Variants in SH3BGRL observed in about 807,000 individuals in gnomAD.
SH3BGRL encodes the protein adapter SH3BGRL.
A neutral mutation model predicts 9.8 loss-of-function variants in SH3BGRL; 7 were observed. The ratio of observed to expected loss-of-function variants is 0.72; its 90% CI spans 0.41 to 1.35. The LOEUF is 1.35. Among genes scored for constraint, SH3BGRL ranks in the 40% most tolerant of loss-of-function variants. SH3BGRL has a pLI of 0.01. For missense variants in SH3BGRL, 73 were observed against 84.4 expected, an observed-to-expected ratio of 0.86 and a Z score of 0.53; for synonymous variants, 36 against 29.1, an observed-to-expected ratio of 1.24 and a Z score of -0.76.
chrX:81,228,768 T>C (rs762663601), intron 1 of SH3BGRL, among the ~76,000 whole-genome samples: 1 of 112,051 alleles, frequency 8.9e-6, no homozygotes, highest in South Asian at 3.7e-4. Context: ...GTCTACAGTA[T>C]ATAGTTAATT....
chrX:81,287,960 A>G (rs778243182), intron 3 of SH3BGRL, among the ~76,000 whole-genome samples: 14 of 101,763 alleles, frequency 1.4e-4, no homozygotes, highest in African/African-American at 6.0e-4. Context: ...AAGGAAGGAA[A>G]GAAAGAAAGA....
At chrX:81,284,602 A>G (rs2075828621) in intron 3 of SH3BGRL, among the ~76,000 whole-genome samples, 1 of 110,715 alleles carries the variant, frequency 9.0e-6, no homozygotes, top group Admixed American at 9.7e-5. Flanking sequence ...CTGAGAGTGG[A>G]TGAAATTAGG....
At chrX:81,232,205 C>T (rs967130881) in intron 1 of SH3BGRL, among the ~76,000 whole-genome samples, 1 of 110,782 alleles carries the variant, frequency 9.0e-6, no homozygotes, top group Non-Finnish European at 1.9e-5. Flanking sequence ...CATATTGTCC[C>T]TAAAATATTT....
At chrX:81,211,900 A>G (rs183826331) in intron 1 of SH3BGRL, among the ~76,000 whole-genome samples, 1 of 111,398 alleles carries the variant, frequency 9.0e-6, no homozygotes, top group Non-Finnish European at 1.9e-5. Flanking sequence ...ATATACACAC[A>G]TATATCCTAC....
chrX:81,202,611 C>T (rs2075532585), intron 1 of SH3BGRL: 1 of 762,702 alleles, frequency 1.3e-6, no homozygotes, highest in African/African-American at 2.3e-5. Context: ...GATGAATACG[C>T]CCTAAGTACT....
At chrX:81,264,071 G>C (rs929544259) in intron 1 of SH3BGRL, among the ~76,000 whole-genome samples, 3 of 109,916 alleles carry the variant, frequency 2.7e-5, no homozygotes, top group Non-Finnish European at 5.7e-5. Flanking sequence ...GTTAAGGCTG[G>C]TCAAGAGAAA....
intron 1 of SH3BGRL, among the ~76,000 whole-genome samples, chrX:81,244,280 A>G (rs17328569): frequency 0.029 from 3,232 of 111,774 alleles, 52 homozygotes; most frequent in Non-Finnish European, 0.042. Context: ...ATTTGGGACT[A>G]TGTTCATGCA....
In SH3BGRL at chrX:81,252,286, G is replaced by A. The variant is rs181411607; in HGVS notation, c.46-24698G>A. Among the ~76,000 whole-genome samples, 523 of 111,694 alleles carry A rather than the reference G, an allele frequency of 4.7e-3. 6 individuals carry two copies. The highest frequency in any genetic ancestry group is 5.2e-3 in the Non-Finnish European group (278 of 53,145). Reference sequence around the variant, plus strand: ...TTATAATGGGCAGAATCCAATACCCGTTTGCTGTCAGTTATACCTGTTTGC... The same window carrying A: ...TTATAATGGGCAGAATCCAATACCCATTTGCTGTCAGTTATACCTGTTTGC... On this transcript the variant is annotated intron_variant, in intron 1 of 3. Coordinates refer to ENST00000373212, the MANE Select transcript of SH3BGRL (RefSeq NM_003022.3).
At chrX:81,208,604 C>G (rs2075554508) in intron 1 of SH3BGRL, among the ~76,000 whole-genome samples, 1 of 112,421 alleles carries the variant, frequency 8.9e-6, no homozygotes, top group Admixed American at 9.4e-5. Context: ...ATCTGACCAT[C>G]TGTTTGCTTT....
At chrX:81,202,415 A>ATTTT in intron 1 of SH3BGRL, 170 bp downstream of exon 1, 1 of 827,128 alleles carries the variant, frequency 1.2e-6, no homozygotes, top group South Asian at 3.8e-5. Context: ...CATCGATTTC[A>ATTTT]TTTTTTTTTT....
At chrX:81,231,074 G>A (rs141981857) in intron 1 of SH3BGRL, among the ~76,000 whole-genome samples, 78 of 112,308 alleles carry the variant, frequency 6.9e-4, no homozygotes, top group Non-Finnish European at 1.3e-3. Flanking sequence ...GCTCTTGAAG[G>A]AGAGAAGTCA....
At chrX:81,220,956 A>G (rs1217299740) in intron 1 of SH3BGRL, among the ~76,000 whole-genome samples, 2 of 111,104 alleles carry the variant, frequency 1.8e-5, no homozygotes, top group East Asian at 2.8e-4. Flanking sequence ...TTCCAGTTCT[A>G]TTCCATTATG....
intron 1 of SH3BGRL, among the ~76,000 whole-genome samples, chrX:81,250,650 A>AT (rs1324912421): frequency 2.7e-5 from 3 of 111,339 alleles, no homozygotes; most frequent in Non-Finnish European, 3.8e-5. Flanking sequence ...AACTTCAACT[A>AT]TTTTTTTTCT....
intron 3 of SH3BGRL, among the ~76,000 whole-genome samples, chrX:81,295,878 C>T (rs1193120427): frequency 9.0e-6 from 1 of 111,711 alleles, no homozygotes; most frequent in Non-Finnish European, 1.9e-5. Flanking sequence ...TTTCTGCCTT[C>T]TTCTGAGCCC....
At chrX:81,204,325 T>C (rs898138133) in intron 1 of SH3BGRL, among the ~76,000 whole-genome samples, 1 of 112,082 alleles carries the variant, frequency 8.9e-6, no homozygotes, top group Admixed American at 9.5e-5. Flanking sequence ...TACTTCTTTG[T>C]AACATGAATG....
intron 1 of SH3BGRL, among the ~76,000 whole-genome samples, chrX:81,217,405 G>A (rs1227464320): frequency 2.7e-5 from 3 of 109,879 alleles, no homozygotes; most frequent in Non-Finnish European, 5.7e-5. Flanking sequence ...TTAATGTTAG[G>A]AACTTTCCTT....
At chrX:81,234,474 G>A (rs1461633565) in intron 1 of SH3BGRL, among the ~76,000 whole-genome samples, 1 of 112,035 alleles carries the variant, frequency 8.9e-6, no homozygotes, top group Non-Finnish European at 1.9e-5. Flanking sequence ...ATGGCCAGGA[G>A]ATGTGATTGT....
At chrX:81,257,031 T>C (rs2075727315) in intron 1 of SH3BGRL, among the ~76,000 whole-genome samples, 1 of 110,915 alleles carries the variant, frequency 9.0e-6, no homozygotes, top group African/African-American at 3.3e-5. Context: ...GAGTACTTAT[T>C]ATCATTTATT....
At chrX:81,294,161 C>T (rs755199754) in intron 3 of SH3BGRL, among the ~76,000 whole-genome samples, 2 of 111,433 alleles carry the variant, frequency 1.8e-5, no homozygotes, top group East Asian at 2.8e-4. Flanking sequence ...AAATGCAAGC[C>T]GGATGCAGAA....
Sources: gnomAD v4.1 joint callset for allele counts (sites outside exome capture counted in the v4.1 genomes callset) on GRCh38, gnomAD v4.1.1 for gene constraint, MANE v1.5 for transcripts, NCBI Gene and HGNC (gene_info 2026-07-23, HGNC 2026-07-21) for gene names.